OLFM1: variants seen among roughly 807,000 people sequenced by gnomAD.
The protein encoded by OLFM1 is noelin.
Under a neutral mutation model 49.7 loss-of-function variants are expected in OLFM1, and 9 were observed. The observed-to-expected ratio is 0.18, with a 90% CI of 0.11 to 0.32. The LOEUF (loss-of-function observed/expected upper bound fraction) is 0.32. Ranked by LOEUF, OLFM1 falls within the 10% of genes least tolerant of loss-of-function variation. The pLI is 1.00. For missense variants in OLFM1, 369 were observed against 661.8 expected (o/e 0.56, Z 4.85); for synonymous variants, 240 against 271.8 (o/e 0.88, Z 1.15).
intron 4 of OLFM1, among the ~76,000 whole-genome samples, chr9:135,104,731 G>A (rs977069071): frequency 6.6e-6 from 1 of 152,186 alleles, no homozygotes; most frequent in African/African-American, 2.4e-5. Flanking sequence ...CCAGTGCAGA[G>A]GGAGCTGCTG....
chr9:135,078,691 T>C (rs1238281563), intron 1 of OLFM1, among the ~76,000 whole-genome samples: 1 of 152,214 alleles, frequency 6.6e-6, no homozygotes. Context: ...TCTCTGGGCC[T>C]TGGGGAAGGT....
upstream of OLFM1, chr9:135,087,604 C>A (rs1051917856): frequency 1.3e-6 from 1 of 770,216 alleles, no homozygotes; most frequent in Non-Finnish European, 1.8e-6. Context: ...CGGATTGCGT[C>A]GGTCCCGCCC....
chr9:135,110,915 A>C lies in OLFM1; in HGVS notation c.783+4060A>C, dbSNP rs576290185. On this transcript the variant is annotated intron_variant, in intron 5 of 5. Coordinates refer to ENST00000371793, the MANE Select transcript of OLFM1 (RefSeq NM_001282611.2). ...AGCGCGGGCCCAAGTCCCTACGCCA[A>C]GACCCCTTAAATAGCATCCGCTTCC... Among the ~76,000 whole-genome samples the C allele has an allele frequency of 5.3e-5, 8 of 152,380 alleles. No homozygotes were observed. In the East Asian group the frequency reaches 1.5e-3, roughly 29 times the overall value.
chr9:135,076,103 C>G, intron 1 of OLFM1: 2 of 1,540,310 alleles, frequency 1.3e-6, no homozygotes, highest in Non-Finnish European at 1.8e-6. Context: ...AAGGGCAGCA[C>G]GAGGGGGTCT....
At chr9:135,086,418 C>T (rs1830596966), upstream of OLFM1, 2 of 361,726 alleles carry the variant, frequency 5.5e-6, no homozygotes, top group South Asian at 2.1e-5. Context: ...GGACTGCGCA[C>T]ACAGAGAGAA....
chr9:135,083,068 A>G (rs1830551995), upstream of OLFM1, among the ~76,000 whole-genome samples: 2 of 152,178 alleles, frequency 1.3e-5, no homozygotes, highest in South Asian at 4.1e-4. Context: ...CTTTGAATTC[A>G]TGTCAGGATC....
intron 4 of OLFM1, among the ~76,000 whole-genome samples, chr9:135,104,390 A>G (rs937025237): frequency 6.6e-6 from 1 of 152,196 alleles, no homozygotes; most frequent in Non-Finnish European, 1.5e-5. Flanking sequence ...GGTGGAGGGC[A>G]GACACCTGGT....
rs751345936 is a variant in OLFM1 at position 135,087,964 on chromosome 9, G to A, written c.-26G>A. The A allele has an allele frequency of 2.1e-6, 3 of 1,410,282 alleles. No individual in the cohort carries two copies. Among genetic ancestry groups the A allele is most frequent in the Admixed American group, 2.5e-5 (1 of 39,330 alleles). The allele number at this position is 1,410,282 out of a possible 1,614,324, so 87.4% of individuals were successfully genotyped here. ...GCGGGAGCCGGTGCCAGCTCGGAGCGGGCGCTGGAGGCAGCTCGAGGCGCG... is the reference window on the plus strand; with the variant it reads ...GCGGGAGCCGGTGCCAGCTCGGAGCAGGCGCTGGAGGCAGCTCGAGGCGCG... On this transcript the variant is annotated 5_prime_UTR_variant, in exon 1 of 6. Transcript: ENST00000371793.
intron 2 of OLFM1, among the ~76,000 whole-genome samples, chr9:135,091,755 ACACACT>A (rs1830710082): frequency 6.6e-6 from 1 of 150,524 alleles, no homozygotes; most frequent in Non-Finnish European, 1.5e-5. Flanking sequence ...ACATAGTCAC[ACACACT>A]CACACAGTCA....
At chr9:135,097,885 T>C in intron 3 of OLFM1, 1 of 1,584,972 alleles carries the variant, frequency 6.3e-7, no homozygotes, top group Non-Finnish European at 8.6e-7. Flanking sequence ...CATGCATTTT[T>C]ACTATTATTT....
chr9:135,087,590 T>C (rs1588205014), upstream of OLFM1: 26 of 902,936 alleles, frequency 2.9e-5, 1 homozygote, highest in East Asian at 8.7e-4. Flanking sequence ...ACCCATTTCC[T>C]GGGCGGATTG....
At chr9:135,081,510 C>T (rs1459886894) in intron 1 of OLFM1, among the ~76,000 whole-genome samples, 1 of 152,094 alleles carries the variant, frequency 6.6e-6, no homozygotes, top group African/African-American at 2.4e-5. Flanking sequence ...TCCTTGCAAC[C>T]CCTGAGGATC....
intron 2 of OLFM1, among the ~76,000 whole-genome samples, chr9:135,091,706 C>CACACA (rs1491134612): frequency 3.0e-4 from 2 of 6,700 alleles, no homozygotes; most frequent in South Asian, 2.4e-3. Context: ...CACAGTCACA[C>CACACA]TCACACATAG....
chr9:135,075,988 A>G, intron 1 of OLFM1: 1 of 1,435,018 alleles, frequency 7.0e-7, no homozygotes. Context: ...GGAGGGGTGC[A>G]GGCTGACCGG....
chr9:135,081,967 G>T (rs1037120293), intron 1 of OLFM1, among the ~76,000 whole-genome samples: 1 of 152,186 alleles, frequency 6.6e-6, no homozygotes, highest in Non-Finnish European at 1.5e-5. Flanking sequence ...GAACTGACCC[G>T]TCCTCGTGTG....
Position 135,118,605 on chromosome 9 carries a change from GCTCACTGGGTCTTTGGAGTA to G in OLFM1, c.784-881_784-862del, listed in dbSNP as rs1233733950. 2.7e-5 allele frequency among the ~76,000 whole-genome samples: 4 copies of G among 146,392 alleles called. No homozygotes were observed. The South Asian group carries it at 6.7e-4, about 25-fold the overall frequency. The stretch of plus-strand genomic sequence containing the variant: ...GAGTGCTTGCTGGGTCTTTGGAAAT[GCTCACTGGGTCTTTGGAGTA>G]CTCACTGGGTCTTTGGAATGCTCAC... On this transcript the variant is annotated intron_variant, in intron 5 of 5. Transcript: ENST00000371793.
At chr9:135,078,372 T>C (rs973726739) in intron 1 of OLFM1, among the ~76,000 whole-genome samples, 1 of 152,222 alleles carries the variant, frequency 6.6e-6, no homozygotes, top group African/African-American at 2.4e-5. Context: ...GCCTGGATCC[T>C]ACCTGCACTT....
At chr9:135,100,190 T>C (rs1047862150) in intron 4 of OLFM1, among the ~76,000 whole-genome samples, 1 of 152,190 alleles carries the variant, frequency 6.6e-6, no homozygotes, top group Non-Finnish European at 1.5e-5. Context: ...CTCCACATTT[T>C]CCAATCAAGG....
intron 5 of OLFM1, among the ~76,000 whole-genome samples, chr9:135,109,590 A>G (rs1194757865): frequency 1.3e-5 from 2 of 152,042 alleles, no homozygotes; most frequent in Non-Finnish European, 2.9e-5. Flanking sequence ...TCCAACTCCC[A>G]GTGTGCTAAG....
Sources: allele counts gnomAD v4.1 joint callset (sites outside exome capture counted in the v4.1 genomes callset), GRCh38; gene constraint gnomAD v4.1.1; transcripts MANE v1.5; gene names NCBI Gene and HGNC (gene_info 2026-07-23, HGNC 2026-07-21).